The following DCDC1 variants were observed in gnomAD, a reference collection of about 807,000 sequenced individuals.
The protein encoded by DCDC1 is doublecortin domain containing 1, also known as doublecortin domain-containing protein 1.
Under a neutral mutation model 178.3 loss-of-function variants are expected in DCDC1, and 200 were observed. The ratio of observed to expected loss-of-function variants is 1.12; its 90% CI spans 1.00 to 1.26. The LOEUF (loss-of-function observed/expected upper bound fraction) is 1.26, where lower values mean the gene tolerates loss of function less well. Among genes scored for constraint, DCDC1 ranks in the 50% most tolerant of loss-of-function variants. The pLI, the probability that DCDC1 is intolerant of heterozygous loss-of-function variation, is 0.00. For missense variants in DCDC1, 1,983 were observed against 1,749.2 expected (o/e 1.13, Z -2.38); for synonymous variants, 690 against 604.8 (o/e 1.14, Z -2.07).
chr11:31,171,377 T>G (rs530638733), intron 9 of DCDC1, among the ~76,000 whole-genome samples: 4 of 152,206 alleles, frequency 2.6e-5, no homozygotes, highest in Non-Finnish European at 5.9e-5. Context: ...CTTCAAAAGT[T>G]TATTTACAAA....
chr11:31,083,034 T>C (rs1957281614), intron 17 of DCDC1, among the ~76,000 whole-genome samples: 2 of 152,240 alleles, frequency 1.3e-5, no homozygotes, highest in South Asian at 4.1e-4. Context: ...ACAACTTCTG[T>C]CTGCTGCTAT....
chr11:31,212,356 T>G (rs1277516805), intron 9 of DCDC1, among the ~76,000 whole-genome samples: 1 of 152,044 alleles, frequency 6.6e-6, no homozygotes, highest in Non-Finnish European at 1.5e-5. Context: ...AAGTAGAAAT[T>G]TAACTGCTAT....
chr11:31,054,374 C>G (rs905068266), intron 20 of DCDC1, among the ~76,000 whole-genome samples: 9 of 152,116 alleles, frequency 5.9e-5, no homozygotes, highest in Non-Finnish European at 1.2e-4. Flanking sequence ...CCCATCCTCA[C>G]AGATGGGTAG....
At chr11:31,295,725 C>T (rs1343658886) in intron 6 of DCDC1, among the ~76,000 whole-genome samples, 1 of 152,150 alleles carries the variant, frequency 6.6e-6, no homozygotes, top group Admixed American at 6.5e-5. Context: ...TTACATGGTT[C>T]AACTGAGAGT....
chr11:31,024,675 C>G (rs1953107016), intron 20 of DCDC1, among the ~76,000 whole-genome samples: 1 of 151,800 alleles, frequency 6.6e-6, no homozygotes. Context: ...TCTGTCCTTT[C>G]CAAATGATAA....
At chr11:31,130,317 G>C (rs1183885316) in intron 10 of DCDC1, among the ~76,000 whole-genome samples, 4 of 152,086 alleles carry the variant, frequency 2.6e-5, no homozygotes, top group Admixed American at 6.6e-5. Context: ...TGACATATAT[G>C]TGACATCAGA....
At chr11:31,104,705 T>A (rs1958738574) in intron 13 of DCDC1, among the ~76,000 whole-genome samples, 1 of 152,076 alleles carries the variant, frequency 6.6e-6, no homozygotes, top group African/African-American at 2.4e-5. Context: ...ACATAACTCT[T>A]CTTCAGTTAT....
At chr11:31,346,497 T>C (rs914325843) in intron 1 of DCDC1, among the ~76,000 whole-genome samples, 2 of 151,508 alleles carry the variant, frequency 1.3e-5, no homozygotes, top group Non-Finnish European at 2.9e-5. Flanking sequence ...AAGAAATCAT[T>C]TCAACTAAAT....
chr11:30,979,998 A>G (rs1235931336), intron 20 of DCDC1, among the ~76,000 whole-genome samples: 1 of 152,222 alleles, frequency 6.6e-6, no homozygotes, highest in African/African-American at 2.4e-5. Flanking sequence ...CTTTATACAA[A>G]GAAAACTCTT....
intron 20 of DCDC1, among the ~76,000 whole-genome samples, chr11:30,975,937 T>C (rs935227027): frequency 6.6e-6 from 1 of 152,060 alleles, no homozygotes; most frequent in African/African-American, 2.4e-5. Context: ...GCTGGAGGCA[T>C]CATGCTACCT....
At chr11:31,292,378 A>G (rs79698480) in intron 6 of DCDC1, among the ~76,000 whole-genome samples, 1,585 of 152,290 alleles carry the variant, frequency 0.01, 30 homozygotes, top group African/African-American at 0.036. Context: ...TCAATAGATG[A>G]ATGGATAAAC....
At chr11:30,915,405 C>T in intron 27 of DCDC1, 106 bp downstream of exon 27, 2 of 1,212,158 alleles carry the variant, frequency 1.6e-6, no homozygotes, top group Non-Finnish European at 2.3e-6. Flanking sequence ...AAATAGAAGA[C>T]CCAGAATTCT....
chr11:30,904,780 C>CAATATGT, intron 31 of DCDC1, 181 bp downstream of exon 31: 1 of 689,318 alleles, frequency 1.5e-6, no homozygotes, highest in East Asian at 2.7e-5. Context: ...AAGTCTGTAT[C>CAATATGT]CACTGACATA....
intron 20 of DCDC1, among the ~76,000 whole-genome samples, chr11:31,043,266 T>C (rs1224289206): frequency 6.6e-6 from 1 of 152,216 alleles, no homozygotes; most frequent in Non-Finnish European, 1.5e-5. Context: ...CATACTTGTA[T>C]GTAATTCAGA....
intron 33 of DCDC1, among the ~76,000 whole-genome samples, chr11:30,900,044 G>A (rs1330730809): frequency 6.6e-6 from 1 of 152,034 alleles, no homozygotes; most frequent in African/African-American, 2.4e-5. Flanking sequence ...AAACTCATTT[G>A]TTATTTTCTA....
In DCDC1 at chr11:30,925,357, T is replaced by G. The variant is rs1565083166; in HGVS notation, c.2949A>C (p.Glu983Asp). ...TTAAGGCAAATATTTCCTTCCCCTT[T>G]TCATTGTACAATCTCCGAGCTGCAG... is the stretch of plus-strand genomic sequence containing the variant. ...LPSAARRLYN[E>D]KGKEIFALKD... The change falls in exon 23 of 39, where the codon GAA becomes GAC. Residue 983 changes from glutamate (E) to aspartate (D), a missense_variant. Coordinates refer to ENST00000684477, the MANE Select transcript of DCDC1 (RefSeq NM_001387274.1). 6.2e-7 allele frequency: 1 copy of G among 1,613,810 alleles called. No individual in the cohort carries two copies. Among genetic ancestry groups the G allele is most frequent in the East Asian group, 2.2e-5 (1 of 44,864 alleles).
chr11:31,063,040 G>T (rs1389085755), intron 20 of DCDC1, among the ~76,000 whole-genome samples: 1 of 144,194 alleles, frequency 6.9e-6, no homozygotes, highest in Non-Finnish European at 1.5e-5. Context: ...AGTGGGCAAA[G>T]GATATGAACA....
intron 19 of DCDC1, 25 bp from the exon 20 acceptor site, chr11:31,064,651 T>G: frequency 1.3e-6 from 1 of 763,728 alleles, no homozygotes; most frequent in Non-Finnish European, 2.4e-6. Flanking sequence ...ATAGGAATCA[T>G]GTAGCTAATT....
intron 8 of DCDC1, among the ~76,000 whole-genome samples, chr11:31,250,415 C>CACACACATATATATAT (rs1223526182): frequency 1.4e-5 from 1 of 73,734 alleles, no homozygotes; most frequent in African/African-American, 5.2e-5. Flanking sequence ...CACACACACA[C>CACACACATATATATAT]ATATACATAT....
Sources: gnomAD v4.1 joint callset for allele counts (sites outside exome capture counted in the v4.1 genomes callset) on GRCh38, gnomAD v4.1.1 for gene constraint, MANE v1.5 for transcripts, NCBI Gene and HGNC (gene_info 2026-07-23, HGNC 2026-07-21) for gene names.